Variants in GC observed in about 807,000 individuals in gnomAD.
GC encodes vitamin D-binding protein.
Under a neutral mutation model 56.7 loss-of-function variants are expected in GC, and 43 were observed. The ratio of observed to expected loss-of-function variants is 0.76; its 90% CI spans 0.59 to 0.98. The LOEUF (loss-of-function observed/expected upper bound fraction) is 0.98, where lower values mean the gene tolerates loss of function less well. Among genes scored for constraint, GC ranks in the 50% least tolerant of loss-of-function variants. The pLI, the probability that GC is intolerant of heterozygous loss-of-function variation, is 0.00. For synonymous variants in GC, 216 were observed against 202.7 expected (o/e 1.07, Z -0.56); for missense variants, 529 against 545.9 (o/e 0.97, Z 0.31).
At chr4:71,742,213 A>C (rs1319979542) in intron 12 of GC, among the ~76,000 whole-genome samples, 1 of 152,204 alleles carries the variant, frequency 6.6e-6, no homozygotes, top group Non-Finnish European at 1.5e-5. Context: ...AAAACTGTCA[A>C]CCAGTGGCAT....
intron 1 of GC, among the ~76,000 whole-genome samples, chr4:71,803,240 T>A (rs1443593303): frequency 6.6e-6 from 1 of 152,196 alleles, no homozygotes; most frequent in East Asian, 1.9e-4. Context: ...TGTGATGCCA[T>A]ACCTGTACTC....
intron 1 of GC, among the ~76,000 whole-genome samples, chr4:71,772,145 T>C (rs1742363524): frequency 6.6e-6 from 1 of 152,116 alleles, no homozygotes; most frequent in African/African-American, 2.4e-5. Flanking sequence ...TAAGATCACT[T>C]GCTGGGGATT....
chr4:71,772,509 G>A (rs1196840936), intron 1 of GC, among the ~76,000 whole-genome samples: 1 of 152,148 alleles, frequency 6.6e-6, no homozygotes, highest in African/African-American at 2.4e-5. Flanking sequence ...GTGTGCATGT[G>A]AAGGTAGTGT....
At chr4:71,796,792 C>A (rs955771195) in intron 1 of GC, among the ~76,000 whole-genome samples, 1 of 152,290 alleles carries the variant, frequency 6.6e-6, no homozygotes, top group African/African-American at 2.4e-5. Context: ...TTCTCCCCAT[C>A]TTTGTGGTTT....
chr4:71,778,975 G>C (rs976884593), intron 1 of GC, among the ~76,000 whole-genome samples: 4 of 149,688 alleles, frequency 2.7e-5, no homozygotes, highest in African/African-American at 4.9e-5. Flanking sequence ...ATATATTTAT[G>C]TACATACCTA....
chr4:71,766,766 T>C (rs1742171493), intron 3 of GC, among the ~76,000 whole-genome samples: 1 of 152,174 alleles, frequency 6.6e-6, no homozygotes, highest in Non-Finnish European at 1.5e-5. Context: ...CAGTCCATCT[T>C]TTTCCTTTCC....
chr4:71,751,169 T>C (rs548036416), intron 11 of GC, among the ~76,000 whole-genome samples: 2 of 152,186 alleles, frequency 1.3e-5, no homozygotes, highest in Non-Finnish European at 2.9e-5. Context: ...TGTGAACGTA[T>C]GGGCTGACAT....
At chr4:71,779,462 A>G (rs2149305538) in intron 1 of GC, among the ~76,000 whole-genome samples, 1 of 151,946 alleles carries the variant, frequency 6.6e-6, no homozygotes, top group Middle Eastern at 3.4e-3. Context: ...ATGTTCTAGG[A>G]ATAGAGAAGA....
At chr4:71,789,423 G>C (rs898112556) in intron 1 of GC, among the ~76,000 whole-genome samples, 1 of 151,920 alleles carries the variant, frequency 6.6e-6, no homozygotes, top group Admixed American at 6.6e-5. Flanking sequence ...GGACTCTAAA[G>C]AGGAAGGACT....
chr4:71,801,283 T>G (rs1381664279), intron 1 of GC, among the ~76,000 whole-genome samples: 1 of 152,196 alleles, frequency 6.6e-6, no homozygotes, highest in African/African-American at 2.4e-5. Context: ...AATATCGCTT[T>G]ACACCTATTA....
chr4:71,804,173 T>A, upstream of GC: 1 of 574,382 alleles, frequency 1.7e-6, no homozygotes, highest in South Asian at 2.0e-5. Flanking sequence ...GACACAGGTA[T>A]GCAGTGTAAA....
In GC at chr4:71,765,501, G is replaced by T. The variant is rs142840177; in HGVS notation, c.404C>A (p.Thr135Asn). 1 of 1,614,024 alleles carries T rather than the reference G, an allele frequency of 6.2e-7. No individual in the cohort carries two copies. Among genetic ancestry groups the T allele is most frequent in the Non-Finnish European group, 8.5e-7 (1 of 1,179,952 alleles). The change falls in exon 4 of 13, where the codon ACC (threonine) becomes AAC (asparagine). Residue 135 changes from threonine to asparagine, a missense_variant. By Grantham distance (65) the Thr-to-Asn change is moderately conservative. Coordinates refer to ENST00000273951, the MANE Select transcript of GC (RefSeq NM_000583.4). ...TTCATCATTTGTGGGTTCCACGTAG[G>T]TAGGGAATTCCTGTGGCTGGTGTTT... ...ALKHQPQEFP[T>N]YVEPTNDEIC...
chr4:71,766,538 G>C (rs1312244083), intron 3 of GC, among the ~76,000 whole-genome samples: 3 of 152,076 alleles, frequency 2.0e-5, no homozygotes, highest in Non-Finnish European at 4.4e-5. Context: ...AAATTACTTT[G>C]GGATTTATAT....
chr4:71,789,112 GAA>G (rs1394803930), intron 1 of GC, among the ~76,000 whole-genome samples: 1 of 151,670 alleles, frequency 6.6e-6, no homozygotes, highest in Non-Finnish European at 1.5e-5. Flanking sequence ...TGTATAGAGA[GAA>G]AGAGAAGCAG....
intron 2 of GC, 128 bp from the exon 3 acceptor site, chr4:71,768,561 C>T: frequency 1.5e-6 from 1 of 662,622 alleles, no homozygotes; most frequent in Non-Finnish European, 2.4e-6. Flanking sequence ...CTCTGCCTCC[C>T]AGGTTCAAGC....
rs764218301 is a variant in GC at position 71,756,753 on chromosome 4, G to C, written c.993C>G (p.Asn331Lys). The change falls in exon 8 of 13, where the codon AAC becomes AAG. Residue 331 changes from asparagine to lysine, a missense_variant. Asn to Lys is a moderately conservative substitution (Grantham distance 94). Coordinates refer to ENST00000273951, the MANE Select transcript of GC (RefSeq NM_000583.4). ...PELPDVELPT[N>K]KDVCDPGNTK... ...TGTTTCCTGGATCACACACATCTTTGTTTGTGGGCAACTCTACATCTGGAA... is the reference window on the plus strand; with the variant it reads ...TGTTTCCTGGATCACACACATCTTTCTTTGTGGGCAACTCTACATCTGGAA... The C allele has an allele frequency of 6.2e-7, 1 of 1,613,728 alleles. No homozygotes were observed. Among genetic ancestry groups the C allele is most frequent in the South Asian group, 1.1e-5 (1 of 91,074 alleles).
chr4:71,764,673 A>G (rs1455837494), intron 4 of GC, among the ~76,000 whole-genome samples: 3 of 152,178 alleles, frequency 2.0e-5, no homozygotes, highest in Non-Finnish European at 4.4e-5. Flanking sequence ...ATTTCTGGGA[A>G]TAGATGTCCT....
chr4:71,760,453 A>G (rs1741931880), intron 6 of GC, among the ~76,000 whole-genome samples: 1 of 152,174 alleles, frequency 6.6e-6, no homozygotes, highest in Admixed American at 6.5e-5. Context: ...GGATAGTAGA[A>G]GGAATCAAAG....
intron 11 of GC, among the ~76,000 whole-genome samples, chr4:71,749,567 C>A (rs879687267): frequency 6.6e-6 from 1 of 152,098 alleles, no homozygotes; most frequent in Non-Finnish European, 1.5e-5. Context: ...TTTCTGGTAG[C>A]AAACAACTTC....
Sources: gnomAD v4.1 joint callset for allele counts (sites outside exome capture counted in the v4.1 genomes callset) on GRCh38, gnomAD v4.1.1 for gene constraint, MANE v1.5 for transcripts, NCBI Gene and HGNC (gene_info 2026-07-23, HGNC 2026-07-21) for gene names.